C3: variants seen among roughly 807,000 people sequenced by gnomAD.
C3 encodes the protein complement C3, also known as C3 and PZP-like alpha-2-macroglobulin domain-containing protein 1.
In C3, 97 loss-of-function variants were observed where a neutral mutation model predicts 207.9. That is an observed-to-expected ratio of 0.47 (90% CI 0.40 to 0.55). The LOEUF (loss-of-function observed/expected upper bound fraction) is 0.55. C3 is among the 20% of genes least tolerant of loss of function. The probability of loss-of-function intolerance (pLI) is 0.00; values close to 1 mark genes in which losing one functional copy is unlikely to be tolerated. For missense variants in C3, 1,684 were observed against 2,171.7 expected (o/e 0.78, Z 4.46); for synonymous variants, 848 against 857.6 (o/e 0.99, Z 0.20).
chr19:6,680,420 ACT>A (rs1223449581), intron 35 of C3, among the ~76,000 whole-genome samples, 157 bp from the exon 36 acceptor site: 1 of 152,148 alleles, frequency 6.6e-6, no homozygotes, highest in Non-Finnish European at 1.5e-5. Flanking sequence ...TTCTTCCTAG[ACT>A]CACAGTGAGA....
Position 6,719,456 on chromosome 19 carries a change from C to G in C3, c.75-53G>C. 1 of 1,535,616 alleles carries G rather than the reference C, an allele frequency of 6.5e-7. No homozygotes were observed. Among genetic ancestry groups the G allele is most frequent in the East Asian group, 2.3e-5 (1 of 44,436 alleles). ...TTGTCATTCCACGGATGTGAGACGC[C>G]AGTCCTCACTGGAGTCAGCGCCTGG... On this transcript the variant is annotated intron_variant, in intron 1 of 40. Coordinates refer to ENST00000245907, the MANE Select transcript of C3 (RefSeq NM_000064.4). This position sits in a 1 kb window ranked among gnomAD's most constrained non-coding sequence, Gnocchi z 5.4.
Position 6,687,829 on chromosome 19 carries a change from TTTGG to T in C3, c.3490-931_3490-928del, listed in dbSNP as rs147486901. ...ACTGTAACTTTTATAACTTTGTTTG[TTTGG>T]TTGGTTGGTTGGGTTTTTTGTTGTT... On this transcript the variant is annotated intron_variant, in intron 27 of 40. Transcript: ENST00000245907. Among the ~76,000 whole-genome samples, 635 of 151,140 alleles carry T rather than the reference TTTGG, an allele frequency of 4.2e-3. 14 individuals are homozygous for T. In the East Asian group the frequency reaches 0.051, roughly 12 times the overall value.
chr19:6,695,660 A>C (rs2145409359), intron 23 of C3, among the ~76,000 whole-genome samples: 1 of 151,862 alleles, frequency 6.6e-6, no homozygotes, highest in Admixed American at 6.6e-5. Context: ...TTGTATTTTT[A>C]GTAGAGACAG....
At position 6,720,617 on chromosome 19, in the gene C3, G is replaced by A. The variant is rs339394; in HGVS notation, c.-28C>T. On this transcript the variant is annotated 5_prime_UTR_variant, in exon 1 of 41. Coordinates refer to ENST00000245907, the MANE Select transcript of C3 (RefSeq NM_000064.4). ...TGCTGGGACAGTGCAGGGTCAGAGG[G>A]ACAGAGGGACAGAGGGAGAGGATGG... is the stretch of plus-strand genomic sequence containing the variant. The A allele has an allele frequency of 1.3e-6, 2 of 1,501,972 alleles. No homozygotes were observed. The highest frequency in any genetic ancestry group is 1.8e-6 in the Non-Finnish European group (2 of 1,099,418). 93.0% of individuals were successfully genotyped at this position (1,501,972 alleles called of 1,614,324 possible).
Position 6,710,696 on chromosome 19 carries a change from C to G in C3, c.1629G>C (p.Gln543His). ...ACACGGAGTCGGCCACCACCTCCCT[C>G]TGGCCGCTGGCACCGATCAGCGTGT... ...AYYTLIGASG[Q>H]REVVADSVWV... Residue 543 changes from glutamine to histidine, a missense_variant, in exon 13 of 41, where the codon CAG becomes CAC. By Grantham distance (24) the Gln-to-His change is conservative. Around this residue, in one of 3 missense-constraint regions of C3, gnomAD observed 1,280 missense variants for 1,739.1 expected, o/e 0.74. Coordinates refer to ENST00000245907, the MANE Select transcript of C3 (RefSeq NM_000064.4). The G allele has an allele frequency of 1.2e-6, 2 of 1,613,648 alleles. No homozygotes were observed. Among genetic ancestry groups the G allele is most frequent in the African/African-American group, 2.7e-5 (2 of 75,054 alleles).
chr19:6,689,405 G>A (rs1918116544), intron 27 of C3, among the ~76,000 whole-genome samples: 2 of 133,144 alleles, frequency 1.5e-5, no homozygotes, highest in Non-Finnish European at 3.1e-5. Context: ...GTCCCTCTTG[G>A]GTGTTAGAGG....
At chr19:6,709,611 T>TTCCCCCCCCCCCCCCCCCCCCCCCC in intron 14 of C3, 73 bp downstream of exon 14, 2 of 1,109,444 alleles carry the variant, frequency 1.8e-6, no homozygotes, top group East Asian at 2.6e-5. Flanking sequence ...CCCTCTCCAG[T>TTCCCCCCCCCCCCCCCCCCCCCCCC]CCCACCCACC....
At chr19:6,714,739 G>A (rs757726708) in intron 4 of C3, among the ~76,000 whole-genome samples, 2 of 152,172 alleles carry the variant, frequency 1.3e-5, no homozygotes, top group Non-Finnish European at 2.9e-5. Context: ...GTAGGCACCC[G>A]TAATCCCAGC....
intron 14 of C3, 138 bp from the exon 15 acceptor site, chr19:6,708,067 T>C: frequency 1.1e-6 from 1 of 910,918 alleles, no homozygotes; most frequent in Non-Finnish European, 1.7e-6. Flanking sequence ...GCTTCTGCCC[T>C]TCCTTTCTCT....
chr19:6,717,918 G>A, intron 4 of C3, 176 bp downstream of exon 4: 1 of 708,012 alleles, frequency 1.4e-6, no homozygotes, highest in Non-Finnish European at 2.6e-6. Context: ...TGCTGTGTGT[G>A]TGCATGTTGT....
chr19:6,698,416 T>A (rs594974), intron 19 of C3, among the ~76,000 whole-genome samples: 117,345 of 152,118 alleles, frequency 0.77, 45,318 homozygotes, highest in East Asian at 0.91. Context: ...GCTTGTCTGA[T>A]ATGGTAGCCC....
chr19:6,701,976 C>T (rs1967683905), intron 19 of C3, 151 bp downstream of exon 19: 1 of 677,746 alleles, frequency 1.5e-6, no homozygotes, highest in African/African-American at 1.8e-5. Flanking sequence ...TAAGGATTCC[C>T]ACAGTTCCTG....
At chr19:6,680,353 A>C (rs367995679) in intron 35 of C3, 90 bp from the exon 36 acceptor site, 5 of 768,354 alleles carry the variant, frequency 6.5e-6, no homozygotes, top group African/African-American at 5.1e-5. Context: ...GGAGAAACTG[A>C]AGGATCAAGG....
chr19:6,678,012 A>T lies in C3; in HGVS notation c.4862T>A (p.Ile1621Asn). 1 of 1,613,964 alleles carries T rather than the reference A, an allele frequency of 6.2e-7. No homozygotes were observed. The highest frequency in any genetic ancestry group is 1.1e-5 in the South Asian group (1 of 91,070). Residue 1621 changes from isoleucine (I) to asparagine (N), a missense_variant, in exon 41 of 41, where the codon ATC becomes AAC. Around this residue, in one of 3 missense-constraint regions of C3, gnomAD observed 346 missense variants for 380.1 expected, o/e 0.91. Coordinates refer to ENST00000245907, the MANE Select transcript of C3 (RefSeq NM_000064.4). ...CTCCACCCAAGTGTCCTTCCCGATGATGTAGCTGAGGCTGGAGGGAAGAAT... is the reference window on the plus strand; with the variant it reads ...CTCCACCCAAGTGTCCTTCCCGATGTTGTAGCTGAGGCTGGAGGGAAGAAT... ...FWGEKPNLSY[I>N]IGKDTWVEHW...
intron 14 of C3, 59 bp downstream of exon 14, chr19:6,709,625 C>CCCCCCCCCCCCCCCCCTG: frequency 7.1e-7 from 1 of 1,398,608 alleles, no homozygotes; most frequent in Non-Finnish European, 1.0e-6. Flanking sequence ...ACCCACCTCC[C>CCCCCCCCCCCCCCCCCTG]CCAGCCCCAG....
chr19:6,678,202 T>C lies in C3; in HGVS notation c.4800A>G (p.Lys1600=). ...CREALKLEEK[K]HYLMWGLSSD... is the part of the protein sequence containing the mutation. ...AGGAGAGACCCCACATGAGGTAGTGTTTCTTCTCCTCCAGCTTCAGGGCTT... is the reference window on the plus strand; with the variant it reads ...AGGAGAGACCCCACATGAGGTAGTGCTTCTTCTCCTCCAGCTTCAGGGCTT... The change falls in exon 40 of 41, where the codon AAA becomes AAG. Residue 1600 remains lysine, a synonymous_variant. Transcript: ENST00000245907. 15 of 1,614,182 alleles carry C rather than the reference T, an allele frequency of 9.3e-6. No individual in the cohort carries two copies. Among genetic ancestry groups the C allele is most frequent in the Non-Finnish European group, 1.3e-5 (15 of 1,180,018 alleles).
At position 6,712,619 on chromosome 19, in the gene C3, A is replaced by G. The variant is rs758845166; in HGVS notation, c.1008T>C (p.Ser336=). 3.7e-6 allele frequency: 6 copies of G among 1,613,794 alleles called. No individual in the cohort carries two copies. Among genetic ancestry groups the G allele is most frequent in the Middle Eastern group, 1.7e-4 (1 of 6,060 alleles). Residue 336 remains serine, a synonymous_variant, in exon 10 of 41, where the codon AGT becomes AGC. Coordinates refer to ENST00000245907, the MANE Select transcript of C3 (RefSeq NM_000064.4). ...CGCTGCGCTCTGCCTGCACCATGTC[A>G]CTGCCTGAGGGGACCAGCTGTGAGT... ...VSATVILHSG[S]DMVQAERSGI...
intron 26 of C3, among the ~76,000 whole-genome samples, chr19:6,691,116 C>A (rs1918156318): frequency 6.8e-6 from 1 of 148,030 alleles, no homozygotes. Flanking sequence ...TGCAATGGCG[C>A]AATCTCGACT....
chr19:6,679,075 T>C (rs368008466), intron 38 of C3, 50 bp downstream of exon 38: 47 of 1,418,570 alleles, frequency 3.3e-5, no homozygotes, highest in Middle Eastern at 1.8e-4. Flanking sequence ...CACCACACAA[T>C]TGGACACACA....
Sources: allele counts gnomAD v4.1 joint callset (sites outside exome capture counted in the v4.1 genomes callset), GRCh38; gene constraint gnomAD v4.1.1; regional missense constraint gnomAD v4.1.1; non-coding constraint Gnocchi (gnomAD v3.1); transcripts MANE v1.5; gene names NCBI Gene and HGNC (gene_info 2026-07-23, HGNC 2026-07-21).